CDH23: variants seen among roughly 807,000 people sequenced by gnomAD.
CDH23 encodes cadherin-23.
Under a neutral mutation model 317.1 loss-of-function variants are expected in CDH23, and 189 were observed. That is an observed-to-expected ratio of 0.60 (90% CI 0.53 to 0.67). The LOEUF (loss-of-function observed/expected upper bound fraction) is 0.67. CDH23 is among the 30% of genes least tolerant of loss of function. CDH23 has a pLI of 0.00. For synonymous variants in CDH23, 1,839 were observed against 1,876.8 expected (o/e 0.98, Z 0.52); for missense variants, 4,401 against 4,592.4 (o/e 0.96, Z 1.20).
chr10:71,742,163 T>C (rs1839755068), intron 38 of CDH23: 2 of 554,912 alleles, frequency 3.6e-6, no homozygotes, highest in Admixed American at 6.2e-5. Context: ...GAAGCTCTGT[T>C]TAGTCCTCTT....
chr10:71,501,520 C>T (rs928507135), intron 3 of CDH23, among the ~76,000 whole-genome samples: 2 of 152,186 alleles, frequency 1.3e-5, no homozygotes, highest in Non-Finnish European at 2.9e-5. Flanking sequence ...CGGCCAGTGT[C>T]AGAGCTCACT....
chr10:71,607,619 A>G (rs888094238), intron 9 of CDH23, among the ~76,000 whole-genome samples: 1 of 152,204 alleles, frequency 6.6e-6, no homozygotes, highest in Non-Finnish European at 1.5e-5. Flanking sequence ...GAAAACAGGT[A>G]TGGCCAGGTG....
chr10:71,523,081 T>G lies in CDH23; in HGVS notation c.429+11869T>G, dbSNP rs531725945. Among the ~76,000 whole-genome samples, 135 of 152,220 alleles carry G rather than the reference T, an allele frequency of 8.9e-4. 1 individual carries two copies. The highest frequency in any genetic ancestry group is 3.2e-3 in the African/African-American group (131 of 41,528). Reference sequence around the variant, plus strand: ...GGGGTTTTACTGCCCGGCTGCTGCCTTTAGAGGAGCCGGCCCTGAGATGAA... The same window carrying G: ...GGGGTTTTACTGCCCGGCTGCTGCCGTTAGAGGAGCCGGCCCTGAGATGAA... On this transcript the variant is annotated intron_variant, in intron 6 of 69. Coordinates refer to ENST00000224721, the MANE Select transcript of CDH23 (RefSeq NM_022124.6).
intron 6 of CDH23, among the ~76,000 whole-genome samples, chr10:71,562,100 G>A (rs1483703567): frequency 5.9e-5 from 9 of 152,138 alleles, no homozygotes; most frequent in East Asian, 3.9e-4. Context: ...ACTCCAACCC[G>A]TGCAGCCCCA....
intron 9 of CDH23, among the ~76,000 whole-genome samples, chr10:71,596,807 G>C (rs1859879797): frequency 6.6e-6 from 1 of 152,142 alleles, no homozygotes; most frequent in South Asian, 2.1e-4. Flanking sequence ...GAGCACGTAG[G>C]ATCTTACAGG....
chr10:71,759,600 A>T (rs1395921314), intron 38 of CDH23, among the ~76,000 whole-genome samples: 1 of 151,698 alleles, frequency 6.6e-6, no homozygotes, highest in African/African-American at 2.4e-5. Context: ...ATTTGTCAGT[A>T]GTTTGAGACC....
At chr10:71,760,758 G>A (rs560772103) in intron 38 of CDH23, 1 of 977,260 alleles carries the variant, frequency 1.0e-6, no homozygotes, top group Non-Finnish European at 1.6e-6. Flanking sequence ...AGGACCGGGG[G>A]GTTCTGAGGG....
At chr10:71,630,224 A>C (rs896475179) in intron 11 of CDH23, among the ~76,000 whole-genome samples, 2 of 152,044 alleles carry the variant, frequency 1.3e-5, no homozygotes, top group African/African-American at 4.8e-5. Context: ...GCCTCACTAC[A>C]TTGCCTAAGC....
At chr10:71,461,118 T>C (rs1850960334) in intron 3 of CDH23, among the ~76,000 whole-genome samples, 1 of 152,216 alleles carries the variant, frequency 6.6e-6, no homozygotes, top group Non-Finnish European at 1.5e-5. Context: ...CCTGGGTGTT[T>C]GTCCTAATCA....
chr10:71,644,424 A>C (rs1345530490), intron 12 of CDH23, among the ~76,000 whole-genome samples: 1 of 152,276 alleles, frequency 6.6e-6, no homozygotes, highest in African/African-American at 2.4e-5. Flanking sequence ...GTTAGCATGC[A>C]TTCATTCCAC....
intron 11 of CDH23, among the ~76,000 whole-genome samples, chr10:71,625,885 G>A (rs370081934): frequency 5.9e-5 from 9 of 152,286 alleles, no homozygotes; most frequent in East Asian, 3.9e-4. Context: ...TAAGTGAGCC[G>A]CAGCATTCTT....
chr10:71,711,452 A>G (rs1865967559), intron 27 of CDH23, among the ~76,000 whole-genome samples: 2 of 151,762 alleles, frequency 1.3e-5, no homozygotes, highest in Middle Eastern at 3.4e-3. Context: ...TGGGGTGACC[A>G]CTCTTGCCTG....
intron 3 of CDH23, among the ~76,000 whole-genome samples, chr10:71,462,293 C>A (rs1851036061): frequency 6.6e-6 from 1 of 152,222 alleles, no homozygotes; most frequent in African/African-American, 2.4e-5. Flanking sequence ...TGACGGCCTT[C>A]ATTAAAGACT....
In CDH23 at chr10:71,651,674, G is replaced by A. The variant is rs543985340; in HGVS notation, c.1449+5057G>A. On this transcript the variant is annotated intron_variant, in intron 14 of 69. Transcript: ENST00000224721. ...GTCCTGCTCCTTTGAAGCACAAGAG[G>A]CTTGGCTGTTTCTCTTCTTCCCAAA... Among the ~76,000 whole-genome samples the A allele has an allele frequency of 9.2e-5, 14 of 152,260 alleles. No homozygotes were observed. The South Asian group carries it at 2.9e-3, about 32-fold the overall frequency.
In CDH23 at chr10:71,812,132, C is replaced by A. The variant is rs528917708; in HGVS notation, c.9380+117C>A. 8.8e-6 allele frequency: 14 copies of A among 1,599,964 alleles called. No individual in the cohort carries two copies. In the African/African-American group the frequency reaches 1.4e-4, roughly 15 times the overall value. On this transcript the variant is annotated intron_variant, in intron 66 of 69. Transcript: ENST00000224721. ...CCGAAACCCAGGCTGTGGGCGCCCC[C>A]TGGTGGGCGGGCCACCCTCCCTTCA...
intron 6 of CDH23, among the ~76,000 whole-genome samples, chr10:71,548,523 A>T (rs2132307030): frequency 6.6e-6 from 1 of 152,310 alleles, no homozygotes; most frequent in East Asian, 1.9e-4. Context: ...GAGGTAATGT[A>T]GAGCCCCAAC....
intron 46 of CDH23, chr10:71,790,740 G>T: frequency 2.2e-6 from 1 of 462,598 alleles, no homozygotes; most frequent in African/African-American, 1.9e-5. Flanking sequence ...GAAGTAGCCA[G>T]AGCGACTTTC....
chr10:71,648,328 C>T (rs747993916), intron 14 of CDH23, among the ~76,000 whole-genome samples: 19 of 152,208 alleles, frequency 1.2e-4, no homozygotes, highest in Non-Finnish European at 2.4e-4. Flanking sequence ...TCTTTACCCA[C>T]CATCCCCCTT....
chr10:71,555,068 G>T (rs1856803965), intron 6 of CDH23, among the ~76,000 whole-genome samples: 1 of 152,190 alleles, frequency 6.6e-6, no homozygotes, highest in East Asian at 1.9e-4. Context: ...GGGCACGGGG[G>T]TATGAGGCTT....
Sources: allele counts gnomAD v4.1 joint callset (sites outside exome capture counted in the v4.1 genomes callset), GRCh38; gene constraint gnomAD v4.1.1; transcripts MANE v1.5; gene names NCBI Gene and HGNC (gene_info 2026-07-23, HGNC 2026-07-21).